KLF8: variants seen among roughly 807,000 people sequenced by gnomAD.
The protein encoded by KLF8 is KLF transcription factor 8.
KLF8 carries 10 observed loss-of-function variants against 18.2 expected under a neutral mutation model. The ratio of observed to expected loss-of-function variants is 0.55; its 90% confidence interval spans 0.34 to 0.93. KLF8 has a LOEUF of 0.93. Among genes scored for constraint, KLF8 ranks in the 40% least tolerant of loss-of-function variants. The pLI is 0.02. For missense variants in KLF8, 264 were observed against 277.9 expected, an observed-to-expected ratio of 0.95 and a Z score of 0.36; for synonymous variants, 109 against 97.3, an observed-to-expected ratio of 1.12 and a Z score of -0.71.
chrX:56,062,293 GCTGGTACCTTGT>G, the KLF8 span, among the ~76,000 whole-genome samples: 1 of 110,858 alleles, frequency 9.0e-6, no homozygotes, highest in Non-Finnish European at 1.9e-5. Context: ...TTTTATAGTG[GCTGGTACCTTGT>G]TTTTTGTTTG....
At chrX:56,237,156 C>T (rs1192284223) in intron 1 of KLF8, among the ~76,000 whole-genome samples, 6 of 82,178 alleles carry the variant, frequency 7.3e-5, no homozygotes, top group African/African-American at 2.4e-4. Context: ...AAAATTCATA[C>T]ATTGAAGACC....
At chrX:56,192,227 G>C in the KLF8 span, among the ~76,000 whole-genome samples, 4 of 111,526 alleles carry the variant, frequency 3.6e-5, no homozygotes, top group Non-Finnish European at 7.6e-5. Context: ...ATTTACAATA[G>C]CTAAAATTAA....
Position 56,233,158 on chromosome X carries a change from C to A in KLF8, c.-177C>A. On this transcript the variant is annotated 5_prime_UTR_variant, in exon 1 of 6. Coordinates refer to ENST00000468660, the MANE Select transcript of KLF8 (RefSeq NM_007250.5). ...TTTCGACCCCCTCCTCATTTTCCAG[C>A]CCGGAGAAATAGGGGAGTGGGGGCC... is the stretch of plus-strand genomic sequence containing the variant. The A allele has an allele frequency of 3.8e-6, 2 of 526,202 alleles. No individual in the cohort carries two copies. The highest frequency in any genetic ancestry group is 3.7e-5 in the East Asian group (1 of 27,216). The allele number at this position is 526,202 out of a possible 1,213,427, so 43.4% of individuals were successfully genotyped here.
the KLF8 span, among the ~76,000 whole-genome samples, chrX:56,139,111 T>C: frequency 9.0e-6 from 1 of 111,334 alleles, no homozygotes; most frequent in East Asian, 2.8e-4. Flanking sequence ...GAAAGAAATT[T>C]TGTACAAAGA....
At chrX:55,923,387 T>C in the KLF8 span, among the ~76,000 whole-genome samples, 1 of 110,703 alleles carries the variant, frequency 9.0e-6, no homozygotes, top group Non-Finnish European at 1.9e-5. Flanking sequence ...GAATGAATCC[T>C]GGGCTTAATA....
At chrX:55,977,239 G>A in the KLF8 span, among the ~76,000 whole-genome samples, 3 of 111,712 alleles carry the variant, frequency 2.7e-5, no homozygotes, top group African/African-American at 9.8e-5. Context: ...CGTTGGGTAT[G>A]ATGTTAGTTG....
chrX:56,135,270 T>C, the KLF8 span, among the ~76,000 whole-genome samples: 1,430 of 111,675 alleles, frequency 0.013, 20 homozygotes, highest in African/African-American at 0.044. Context: ...ATTGCAGCAC[T>C]ATTAACAATA....
At chrX:56,029,621 GCCCTTCGGCCAGATTAAACAAAGT>G in the KLF8 span, among the ~76,000 whole-genome samples, 4 of 112,169 alleles carry the variant, frequency 3.6e-5, no homozygotes, top group Non-Finnish European at 7.5e-5. Flanking sequence ...CAGTCTAGAA[GCCCTTCGGCCAGATTAAACAAAGT>G]CCCTTCGTCT....
chrX:56,279,980 G>T (rs1326811274), intron 5 of KLF8, among the ~76,000 whole-genome samples: 1 of 111,545 alleles, frequency 9.0e-6, no homozygotes, highest in African/African-American at 3.3e-5. Context: ...CATTGTTAAG[G>T]GTCCTAGAGA....
At chrX:56,172,610 G>A in the KLF8 span, among the ~76,000 whole-genome samples, 3 of 111,635 alleles carry the variant, frequency 2.7e-5, no homozygotes, top group Admixed American at 9.5e-5. Flanking sequence ...TAAGCCTTTC[G>A]GTATATACCC....
the KLF8 span, among the ~76,000 whole-genome samples, chrX:56,162,502 G>T: frequency 9.0e-6 from 1 of 111,693 alleles, no homozygotes; most frequent in Non-Finnish European, 1.9e-5. Flanking sequence ...CTGCCACCTT[G>T]CAGTTTGATC....
chrX:55,942,594 A>T, the KLF8 span, among the ~76,000 whole-genome samples: 1 of 112,094 alleles, frequency 8.9e-6, no homozygotes, highest in Non-Finnish European at 1.9e-5. Context: ...GGTCACTATT[A>T]CAATGAAAAT....
At chrX:55,984,392 G>A in the KLF8 span, among the ~76,000 whole-genome samples, 3 of 111,513 alleles carry the variant, frequency 2.7e-5, no homozygotes, top group Admixed American at 1.9e-4. Context: ...GTTTGCTGAG[G>A]ATAATGGCTT....
At chrX:55,988,259 G>A in the KLF8 span, among the ~76,000 whole-genome samples, 1 of 110,788 alleles carries the variant, frequency 9.0e-6, no homozygotes, top group African/African-American at 3.3e-5. Context: ...TGGTGTTTTA[G>A]ACATGAAGTC....
At chrX:56,033,969 C>CAAA in the KLF8 span, among the ~76,000 whole-genome samples, 1 of 112,200 alleles carries the variant, frequency 8.9e-6, no homozygotes, top group South Asian at 3.6e-4. Flanking sequence ...CAGATGTTGG[C>CAAA]TTGCAAATAT....
At chrX:56,218,380 G>A in the KLF8 span, among the ~76,000 whole-genome samples, 13 of 111,125 alleles carry the variant, frequency 1.2e-4, no homozygotes, top group Admixed American at 5.8e-4. Flanking sequence ...GATAAAAACA[G>A]TCCTTTCGCT....
chrX:56,157,136 A>G, the KLF8 span, among the ~76,000 whole-genome samples: 1 of 106,479 alleles, frequency 9.4e-6, no homozygotes, highest in Non-Finnish European at 1.9e-5. Flanking sequence ...TTGCAAGGAG[A>G]AAAAAACCAA....
At chrX:56,026,413 C>A in the KLF8 span, among the ~76,000 whole-genome samples, 4 of 111,707 alleles carry the variant, frequency 3.6e-5, no homozygotes, top group Non-Finnish European at 7.5e-5. Context: ...TGGGGAGTAC[C>A]CGGAAGTCCT....
chrX:55,960,244 C>T, the KLF8 span, among the ~76,000 whole-genome samples: 1 of 112,336 alleles, frequency 8.9e-6, no homozygotes, highest in Non-Finnish European at 1.9e-5. Context: ...TGGCTGGGTG[C>T]AGTGGCTCAC....
Sources: allele counts gnomAD v4.1 joint callset (sites outside exome capture counted in the v4.1 genomes callset), GRCh38; gene constraint gnomAD v4.1.1; transcripts MANE v1.5; gene names NCBI Gene and HGNC (gene_info 2026-07-23, HGNC 2026-07-21).